Variants in RHBDD1 observed in about 807,000 individuals in gnomAD.
RHBDD1 encodes the protein rhomboid-related protein 4.
Under a neutral mutation model 36.3 loss-of-function variants are expected in RHBDD1, and 38 were observed. That is an observed-to-expected ratio of 1.05 (90% CI 0.81 to 1.37). RHBDD1 has a LOEUF of 1.37. Ranked by LOEUF, RHBDD1 falls within the 40% of genes most tolerant of loss-of-function variation. The pLI, the probability that RHBDD1 is intolerant of heterozygous loss-of-function variation, is 0.00. For missense variants in RHBDD1, 393 were observed against 377.6 expected (o/e 1.04, Z -0.34); for synonymous variants, 151 against 136.5 (o/e 1.11, Z -0.74).
upstream of RHBDD1, among the ~76,000 whole-genome samples, chr2:226,834,541 C>T (rs780117868): frequency 4.6e-5 from 7 of 152,208 alleles, no homozygotes; most frequent in Non-Finnish European, 8.8e-5. Flanking sequence ...GCATGAGCCA[C>T]ATTTTCACTT....
intron 5 of RHBDD1, among the ~76,000 whole-genome samples, chr2:226,881,342 A>G (rs915233117): frequency 1.3e-5 from 2 of 152,214 alleles, no homozygotes; most frequent in African/African-American, 2.4e-5. Flanking sequence ...TATTAGCATT[A>G]TTCTCTTACA....
intron 8 of RHBDD1, among the ~76,000 whole-genome samples, chr2:226,983,092 CAT>C (rs921281810): frequency 6.6e-6 from 1 of 152,166 alleles, no homozygotes; most frequent in African/African-American, 2.4e-5. Context: ...CAAAGGCAAA[CAT>C]AACCACAGAA....
Position 226,895,384 on chromosome 2 carries a change from G to A in RHBDD1, c.567-11409G>A, listed in dbSNP as rs544885871. 9.9e-5 allele frequency among the ~76,000 whole-genome samples: 15 copies of A among 152,230 alleles called. 1 individual carries two copies. The South Asian group carries it at 3.1e-3, about 32-fold the overall frequency. The stretch of plus-strand genomic sequence containing the variant: ...CTCCTGACCACTTTTCTAAGAGGTT[G>A]GGGTGTGGGTGGGAAGGGGTGTTGC... On this transcript the variant is annotated intron_variant, in intron 5 of 8. Coordinates refer to ENST00000392062, the MANE Select transcript of RHBDD1 (RefSeq NM_001167608.3).
chr2:226,866,995 C>G (rs1026079002), intron 4 of RHBDD1, among the ~76,000 whole-genome samples, 191 bp from the exon 5 acceptor site: 5 of 152,132 alleles, frequency 3.3e-5, no homozygotes, highest in African/African-American at 1.2e-4. Flanking sequence ...TATTTAGAAA[C>G]ATCAAAGGAG....
At chr2:226,816,375 C>CAAAAAAAAAAAA in the RHBDD1 span, among the ~76,000 whole-genome samples, 75 of 64,782 alleles carry the variant, frequency 1.2e-3, 1 homozygote, top group Middle Eastern at 0.022. Flanking sequence ...GGAATGGTGG[C>CAAAAAAAAAAAA]AAAAAAAAAA....
At chr2:226,807,050 A>G in the RHBDD1 span, among the ~76,000 whole-genome samples, 3 of 152,232 alleles carry the variant, frequency 2.0e-5, no homozygotes, top group African/African-American at 7.2e-5. Flanking sequence ...CTACTAAGCA[A>G]TGAAATCTGA....
chr2:226,995,322 TAAAATG>T, intron 8 of RHBDD1, 103 bp from the exon 9 acceptor site: 1 of 696,990 alleles, frequency 1.4e-6, no homozygotes, highest in South Asian at 1.7e-5. Flanking sequence ...TGTTTTGTGT[TAAAATG>T]AAGATGACAC....
the RHBDD1 span, among the ~76,000 whole-genome samples, chr2:226,819,029 TCAC>T: frequency 1.3e-5 from 2 of 152,260 alleles, no homozygotes; most frequent in East Asian, 3.9e-4. Context: ...GTGCCATTTG[TCAC>T]CACGATGCTT....
At chr2:226,866,143 T>C (rs1277858835) in intron 4 of RHBDD1, among the ~76,000 whole-genome samples, 1 of 152,170 alleles carries the variant, frequency 6.6e-6, no homozygotes, top group Non-Finnish European at 1.5e-5. Context: ...TGATCTCGGC[T>C]CACTGCAACC....
At chr2:226,974,862 T>G (rs1349837093) in intron 8 of RHBDD1, among the ~76,000 whole-genome samples, 2 of 152,194 alleles carry the variant, frequency 1.3e-5, no homozygotes, top group African/African-American at 4.8e-5. Flanking sequence ...ACCTCGCCAG[T>G]GCGTGGCTCA....
intron 3 of RHBDD1, among the ~76,000 whole-genome samples, chr2:226,857,830 C>A (rs1943477293): frequency 6.6e-6 from 1 of 151,904 alleles, no homozygotes; most frequent in Non-Finnish European, 1.5e-5. Flanking sequence ...TCTTTGAAGT[C>A]ATGGAAATTC....
chr2:226,994,369 A>G (rs552092689), intron 8 of RHBDD1, among the ~76,000 whole-genome samples: 166 of 152,280 alleles, frequency 1.1e-3, no homozygotes, highest in Non-Finnish European at 2.1e-3. Context: ...GGATGTGGTG[A>G]TGATTGAATG....
At chr2:226,843,180 A>G (rs111276880) in intron 3 of RHBDD1, among the ~76,000 whole-genome samples, 25,962 of 152,050 alleles carry the variant, frequency 0.17, 3,368 homozygotes, top group African/African-American at 0.36. Context: ...GGCTGACACA[A>G]TGGGGTTTTC....
chr2:226,993,476 C>T (rs1423861262), intron 8 of RHBDD1, among the ~76,000 whole-genome samples: 2 of 152,222 alleles, frequency 1.3e-5, no homozygotes, highest in African/African-American at 4.8e-5. Context: ...TGGATCTCAT[C>T]ATATAAAACA....
chr2:226,805,346 G>C, the RHBDD1 span, among the ~76,000 whole-genome samples: 1 of 152,184 alleles, frequency 6.6e-6, no homozygotes, highest in Non-Finnish European at 1.5e-5. Context: ...CTGAGTAGCT[G>C]GGATTACAGG....
chr2:226,980,350 A>C (rs1430136537), intron 8 of RHBDD1, among the ~76,000 whole-genome samples: 1 of 152,284 alleles, frequency 6.6e-6, no homozygotes, highest in African/African-American at 2.4e-5. Context: ...CAGCTTTGTA[A>C]GACACCGGTA....
intron 3 of RHBDD1, among the ~76,000 whole-genome samples, chr2:226,856,231 A>G (rs1453541521): frequency 2.0e-5 from 3 of 150,950 alleles, no homozygotes; most frequent in Admixed American, 6.6e-5. Flanking sequence ...TCAAACAACT[A>G]TGTTTTGCAT....
chr2:226,930,291 T>A (rs1949944353), intron 8 of RHBDD1, among the ~76,000 whole-genome samples: 1 of 152,230 alleles, frequency 6.6e-6, no homozygotes, highest in African/African-American at 2.4e-5. Context: ...AACAGCATGG[T>A]ACTGCTGTAA....
At chr2:226,987,806 C>T (rs1220411498) in intron 8 of RHBDD1, among the ~76,000 whole-genome samples, 2 of 152,164 alleles carry the variant, frequency 1.3e-5, no homozygotes, top group South Asian at 2.1e-4. Flanking sequence ...TCTGGGTGCT[C>T]GTTAAAATGA....
Sources: gnomAD v4.1 joint callset for allele counts (sites outside exome capture counted in the v4.1 genomes callset) on GRCh38, gnomAD v4.1.1 for gene constraint, MANE v1.5 for transcripts, NCBI Gene and HGNC (gene_info 2026-07-23, HGNC 2026-07-21) for gene names.